The following ORC4 variants were observed in gnomAD, a reference collection of about 807,000 sequenced individuals.
ORC4 encodes origin recognition complex subunit 4.
ORC4 carries 55 observed loss-of-function variants against 63.9 expected under a neutral mutation model. The ratio of observed to expected loss-of-function variants is 0.86; its 90% confidence interval spans 0.69 to 1.08. The LOEUF (loss-of-function observed/expected upper bound fraction) is 1.08, where lower values mean the gene tolerates loss of function less well. Among genes scored for constraint, ORC4 ranks in the 50% least tolerant of loss-of-function variants. The pLI is 0.00. For missense variants in ORC4, 511 were observed against 504.4 expected, an observed-to-expected ratio of 1.01 and a Z score of -0.13; for synonymous variants, 150 against 168.5, an observed-to-expected ratio of 0.89 and a Z score of 0.85.
intron 6 of ORC4, among the ~76,000 whole-genome samples, chr2:147,956,541 G>A (rs1418570823): frequency 1.3e-5 from 2 of 152,062 alleles, no homozygotes; most frequent in African/African-American, 4.8e-5. Flanking sequence ...TTCTTATAAT[G>A]TCCAGGCTCT....
chr2:147,993,846 C>T (rs997366994), intron 1 of ORC4, among the ~76,000 whole-genome samples: 1 of 152,156 alleles, frequency 6.6e-6, no homozygotes, highest in African/African-American at 2.4e-5. Flanking sequence ...TGATGATCAA[C>T]TATGAAGAAA....
rs1692962656 is a variant in ORC4 at position 148,011,438 on chromosome 2, A to G, written c.-18+9195T>C. On this transcript the variant is annotated intron_variant, in intron 1 of 13. Coordinates refer to ENST00000392857, the MANE Select transcript of ORC4 (RefSeq NM_181741.4). Reference sequence around the variant, plus strand: ...ATAAAATTCAATATCCCTTCATAAAAACTCTCAGCAAACTGGGGACAGAAG... The same window carrying G: ...ATAAAATTCAATATCCCTTCATAAAGACTCTCAGCAAACTGGGGACAGAAG... Among the ~76,000 whole-genome samples, 3 of 152,228 alleles carry G rather than the reference A, an allele frequency of 2.0e-5. No individual in the cohort carries two copies. In the South Asian group the frequency reaches 6.2e-4, roughly 31 times the overall value.
At chr2:147,971,913 C>G (rs993464235) in intron 4 of ORC4, among the ~76,000 whole-genome samples, 1 of 151,992 alleles carries the variant, frequency 6.6e-6, no homozygotes, top group Admixed American at 6.6e-5. Flanking sequence ...AAAATCCTAA[C>G]GTACTCATCT....
chr2:147,955,415 A>G lies in ORC4; in HGVS notation c.388-20T>C. On this transcript the variant is annotated intron_variant, in intron 6 of 13. Transcript: ENST00000392857. ...GCTTCCCTGAACAACAAAATGAGAT[A>G]AAATGATTAAAAGTTTAGTGAAATA... 1 of 1,567,884 alleles carries G rather than the reference A, an allele frequency of 6.4e-7. No homozygotes were observed. Among genetic ancestry groups the G allele is most frequent in the Non-Finnish European group, 8.8e-7 (1 of 1,140,562 alleles).
At chr2:147,972,852 A>G (rs746207835) in intron 3 of ORC4, 23 bp from the exon 4 acceptor site, 2 of 1,452,080 alleles carry the variant, frequency 1.4e-6, no homozygotes, top group Non-Finnish European at 1.9e-6. Flanking sequence ...AAATAGGACA[A>G]AATTTTAAAA....
intron 4 of ORC4, among the ~76,000 whole-genome samples, chr2:147,964,772 AAAAATTTT>A (rs1422974786): frequency 1.3e-5 from 2 of 152,214 alleles, no homozygotes; most frequent in East Asian, 3.8e-4. Context: ...TTTTTTAATT[AAAAATTTT>A]AAACTATCAT....
At chr2:147,986,008 T>C (rs1290938961) in intron 1 of ORC4, among the ~76,000 whole-genome samples, 3 of 152,168 alleles carry the variant, frequency 2.0e-5, no homozygotes, top group African/African-American at 4.8e-5. Flanking sequence ...GAATACATTC[T>C]GAAAGAACAC....
upstream of ORC4, chr2:148,021,492 G>GCTGCTACTGCTGCTGCTGCTA: frequency 3.5e-6 from 2 of 576,328 alleles, no homozygotes; most frequent in East Asian, 4.5e-5. Flanking sequence ...TGCTGCTGCT[G>GCTGCTACTGCTGCTGCTGCTA]CTGCTACTGC....
intron 4 of ORC4, among the ~76,000 whole-genome samples, chr2:147,966,144 A>C (rs760299287): frequency 3.9e-5 from 6 of 152,170 alleles, no homozygotes; most frequent in Non-Finnish European, 7.4e-5. Context: ...GAAATTAAGA[A>C]TATTACAGAT....
intron 9 of ORC4, among the ~76,000 whole-genome samples, chr2:147,946,895 A>C (rs148840222): frequency 2.1e-4 from 32 of 152,176 alleles, no homozygotes; most frequent in African/African-American, 9.6e-5. Context: ...TATAGTCTTA[A>C]GGGAAACTTC....
chr2:148,016,405 A>G (rs982629262), intron 1 of ORC4, among the ~76,000 whole-genome samples: 58 of 152,210 alleles, frequency 3.8e-4, no homozygotes, highest in Admixed American at 1.1e-3. Flanking sequence ...CAGCAAATCA[A>G]TGAGATGCAC....
intron 4 of ORC4, among the ~76,000 whole-genome samples, chr2:147,964,778 T>C (rs1449572517): frequency 6.6e-6 from 1 of 152,196 alleles, no homozygotes; most frequent in African/African-American, 2.4e-5. Context: ...AATTAAAAAT[T>C]TTAAACTATC....
At chr2:148,011,065 G>C (rs1489665383) in intron 1 of ORC4, among the ~76,000 whole-genome samples, 1 of 152,016 alleles carries the variant, frequency 6.6e-6, no homozygotes, top group Non-Finnish European at 1.5e-5. Context: ...CTGGCTTCAA[G>C]AGATCTGCCT....
intron 1 of ORC4, among the ~76,000 whole-genome samples, chr2:148,012,960 G>A (rs1693062060): frequency 6.6e-6 from 1 of 152,210 alleles, no homozygotes; most frequent in South Asian, 2.1e-4. Context: ...TGAGAATGTG[G>A]AGAAAGGGGA....
At chr2:147,953,916 G>C (rs1413976947) in intron 7 of ORC4, among the ~76,000 whole-genome samples, 1 of 152,016 alleles carries the variant, frequency 6.6e-6, no homozygotes, top group Non-Finnish European at 1.5e-5. Flanking sequence ...TCTAGAAAGA[G>C]ACTTATGTAC....
chr2:148,014,704 G>C (rs948023906), intron 1 of ORC4, among the ~76,000 whole-genome samples: 1 of 151,920 alleles, frequency 6.6e-6, no homozygotes, highest in South Asian at 2.1e-4. Context: ...AAAAATAATA[G>C]AAATTTTTAA....
At chr2:148,013,015 ACAG>A (rs1693068316) in intron 1 of ORC4, among the ~76,000 whole-genome samples, 2 of 152,210 alleles carry the variant, frequency 1.3e-5, no homozygotes, top group Admixed American at 1.3e-4. Flanking sequence ...CACAGTCACA[ACAG>A]AGAACAGTAT....
At chr2:147,944,208 G>C (rs1688530711) in intron 9 of ORC4, among the ~76,000 whole-genome samples, 1 of 152,062 alleles carries the variant, frequency 6.6e-6, no homozygotes, top group Non-Finnish European at 1.5e-5. Flanking sequence ...GGTTTGAAAG[G>C]TAGAAGATAA....
intron 1 of ORC4, among the ~76,000 whole-genome samples, chr2:148,010,449 T>C (rs185034736): frequency 2.7e-3 from 404 of 151,784 alleles, no homozygotes; most frequent in Non-Finnish European, 4.4e-3. Flanking sequence ...AATGAACCTT[T>C]ACCCAGACTA....
Sources: allele counts gnomAD v4.1 joint callset (sites outside exome capture counted in the v4.1 genomes callset), GRCh38; gene constraint gnomAD v4.1.1; transcripts MANE v1.5; gene names NCBI Gene and HGNC (gene_info 2026-07-23, HGNC 2026-07-21).